The following MECOM variants were observed in gnomAD, a reference collection of about 807,000 sequenced individuals.
The protein encoded by MECOM is MDS1 and EVI1 complex locus, also known as histone-lysine N-methyltransferase MECOM.
In MECOM, 13 loss-of-function variants were observed where a neutral mutation model predicts 116.3. The observed-to-expected ratio is 0.11, with a 90% CI of 0.07 to 0.18. The LOEUF is 0.18. Among genes scored for constraint, MECOM ranks in the 10% least tolerant of loss-of-function variants. MECOM has a pLI of 1.00. For missense variants in MECOM, 1,299 were observed against 1,509.0 expected (o/e 0.86, Z 2.31); for synonymous variants, 528 against 535.2 (o/e 0.99, Z 0.19).
intron 2 of MECOM, among the ~76,000 whole-genome samples, chr3:169,232,916 A>C (rs1322589067): frequency 1.3e-5 from 2 of 152,028 alleles, no homozygotes; most frequent in East Asian, 3.9e-4. Context: ...TGAAAATGGC[A>C]TCTCAGCCTC....
chr3:169,473,669 T>G lies in MECOM; in HGVS notation c.38-92145A>C, dbSNP rs191413589. ...CTGTAGTCCCAGCTACTCAGGAGGC[T>G]GAGGTAGGAGAATCACTTGAATCTG... On this transcript the variant is annotated intron_variant, in intron 1 of 16. Transcript: ENST00000651503. Among the ~76,000 whole-genome samples the G allele has an allele frequency of 6.6e-5, 10 of 152,176 alleles. 1 individual carries two copies. Among genetic ancestry groups the G allele is most frequent in the Admixed American group, 3.9e-4 (6 of 15,288 alleles).
intron 1 of MECOM, among the ~76,000 whole-genome samples, chr3:169,649,961 C>A (rs575153475): frequency 6.6e-6 from 1 of 152,286 alleles, no homozygotes; most frequent in South Asian, 2.1e-4. Flanking sequence ...CCAGTTATTC[C>A]ATTTTTGTAA....
At chr3:169,299,006 G>A (rs559871036) in intron 2 of MECOM, among the ~76,000 whole-genome samples, 1 of 152,206 alleles carries the variant, frequency 6.6e-6, no homozygotes, top group East Asian at 1.9e-4. Flanking sequence ...TACTTATCTT[G>A]GAGAGATCTT....
chr3:169,634,003 G>C (rs1772419354), intron 1 of MECOM, among the ~76,000 whole-genome samples: 1 of 151,858 alleles, frequency 6.6e-6, no homozygotes, highest in African/African-American at 2.4e-5. Flanking sequence ...CCTGCTGTTA[G>C]AGAACTCATC....
intron 2 of MECOM, among the ~76,000 whole-genome samples, chr3:169,323,022 A>AG: frequency 1.4e-5 from 2 of 147,838 alleles, no homozygotes; most frequent in Admixed American, 1.3e-4. Flanking sequence ...AAAAAAAAAA[A>AG]AAAAGCAGCA....
At position 169,084,624 on chromosome 3, in the gene MECOM, T is replaced by C; in HGVS notation, c.*285A>G. 2.9e-6 allele frequency: 1 copy of C among 347,730 alleles called. No individual in the cohort carries two copies. Among genetic ancestry groups the C allele is most frequent in the East Asian group, 4.3e-5 (1 of 23,056 alleles). 21.5% of individuals were successfully genotyped at this position (347,730 alleles called of 1,614,324 possible). A position where few individuals can be genotyped will look rare whatever the true frequency, so the allele number is the denominator to read the frequency against. ...AGGTGGGGTAAACTGGAAGATGCCTTCAGCCCACCAAGTTTTTTGTTTTCA... is the reference window on the plus strand; with the variant it reads ...AGGTGGGGTAAACTGGAAGATGCCTCCAGCCCACCAAGTTTTTTGTTTTCA... On this transcript the variant is annotated 3_prime_UTR_variant, in exon 17 of 17. Transcript: ENST00000651503.
chr3:169,511,282 A>G (rs1031229374), intron 1 of MECOM, among the ~76,000 whole-genome samples: 3 of 152,168 alleles, frequency 2.0e-5, no homozygotes, highest in African/African-American at 4.8e-5. Flanking sequence ...TCTTTAGGTT[A>G]TGATCTTAGT....
intron 1 of MECOM, among the ~76,000 whole-genome samples, chr3:169,570,972 T>C (rs1461925430): frequency 6.6e-6 from 1 of 152,182 alleles, no homozygotes; most frequent in African/African-American, 2.4e-5. Flanking sequence ...CAACATAGTA[T>C]TGGAAGTTCT....
intron 1 of MECOM, among the ~76,000 whole-genome samples, chr3:169,575,349 C>T (rs1051758339): frequency 2.6e-5 from 4 of 152,142 alleles, no homozygotes; most frequent in African/African-American, 9.7e-5. Flanking sequence ...GGAAGGTGTG[C>T]CCTGCGGGGG....
At chr3:169,173,359 C>T (rs1399231940) in intron 2 of MECOM, among the ~76,000 whole-genome samples, 5 of 152,076 alleles carry the variant, frequency 3.3e-5, no homozygotes, top group Non-Finnish European at 7.4e-5. Flanking sequence ...ACTAGGCTCT[C>T]TTCCAACAAC....
At chr3:169,237,422 ATTG>A (rs1560029748) in intron 2 of MECOM, among the ~76,000 whole-genome samples, 1 of 152,138 alleles carries the variant, frequency 6.6e-6, no homozygotes, top group Non-Finnish European at 1.5e-5. Flanking sequence ...TCAATATAAA[ATTG>A]TTATTTTAAG....
intron 1 of MECOM, among the ~76,000 whole-genome samples, chr3:169,656,834 A>C (rs756355424): frequency 2.6e-5 from 4 of 152,218 alleles, no homozygotes; most frequent in East Asian, 1.9e-4. Context: ...CCACACTTTC[A>C]AAAGGACTAG....
At chr3:169,478,535 A>G (rs1379935806) in intron 1 of MECOM, among the ~76,000 whole-genome samples, 3 of 152,184 alleles carry the variant, frequency 2.0e-5, no homozygotes, top group African/African-American at 7.2e-5. Flanking sequence ...TTCCCAAGCT[A>G]AGCCAAGATT....
At chr3:169,483,431 T>C (rs1014882525) in intron 1 of MECOM, among the ~76,000 whole-genome samples, 1 of 143,954 alleles carries the variant, frequency 6.9e-6, no homozygotes, top group Non-Finnish European at 1.5e-5. Context: ...CCAATGGCTG[T>C]CAGTTCGGTA....
chr3:169,239,771 A>G (rs1036538269), intron 2 of MECOM, among the ~76,000 whole-genome samples: 1 of 152,204 alleles, frequency 6.6e-6, no homozygotes, highest in Non-Finnish European at 1.5e-5. Flanking sequence ...CAAGGAAATT[A>G]GTAACAGAAA....
chr3:169,487,209 T>G (rs1752486825), intron 1 of MECOM, among the ~76,000 whole-genome samples: 1 of 152,134 alleles, frequency 6.6e-6, no homozygotes, highest in East Asian at 1.9e-4. Flanking sequence ...AGAATAATAT[T>G]GAACCCGGAA....
chr3:169,277,348 A>T (rs1008835963), intron 2 of MECOM, among the ~76,000 whole-genome samples: 1 of 152,230 alleles, frequency 6.6e-6, no homozygotes, highest in African/African-American at 2.4e-5. Context: ...TAAGAAAGAA[A>T]AACTTAAGAG....
intron 1 of MECOM, among the ~76,000 whole-genome samples, chr3:169,384,120 C>T (rs762499852): frequency 2.6e-5 from 4 of 152,122 alleles, no homozygotes; most frequent in African/African-American, 7.2e-5. Flanking sequence ...TGATGGGAGA[C>T]GCTAGGACTC....
chr3:169,485,837 A>ATATATG (rs1553867460), intron 1 of MECOM, among the ~76,000 whole-genome samples: 4 of 140,342 alleles, frequency 2.9e-5, no homozygotes, highest in African/African-American at 5.4e-5. Context: ...ATGTATATAT[A>ATATATG]TGTGTGTGTG....
Sources: allele counts gnomAD v4.1 joint callset (sites outside exome capture counted in the v4.1 genomes callset), GRCh38; gene constraint gnomAD v4.1.1; transcripts MANE v1.5; gene names NCBI Gene and HGNC (gene_info 2026-07-23, HGNC 2026-07-21).